The following UBE2Q2 variants were observed in gnomAD, a reference collection of about 807,000 sequenced individuals.
The protein encoded by UBE2Q2 is ubiquitin-conjugating enzyme E2 Q2.
Under a neutral mutation model 59.9 loss-of-function variants are expected in UBE2Q2, and 54 were observed. The ratio of observed to expected loss-of-function variants is 0.90; its 90% CI spans 0.72 to 1.13. The LOEUF is 1.13. UBE2Q2 is among the 50% of genes most tolerant of loss of function. UBE2Q2 has a pLI of 0.00. For missense variants in UBE2Q2, 433 were observed against 441.9 expected, an observed-to-expected ratio of 0.98 and a Z score of 0.18; for synonymous variants, 165 against 155.2, an observed-to-expected ratio of 1.06 and a Z score of -0.47.
At chr15:75,880,454 T>C (rs1357832868) in intron 8 of UBE2Q2, among the ~76,000 whole-genome samples, 1 of 150,838 alleles carries the variant, frequency 6.6e-6, no homozygotes, top group Non-Finnish European at 1.5e-5. Flanking sequence ...GGTTAAAGAA[T>C]AGCAATGGAA....
At chr15:75,899,242 TCCAGCCTA>T (rs1464024457) in intron 12 of UBE2Q2, among the ~76,000 whole-genome samples, 177 bp from the exon 13 acceptor site, 9 of 150,598 alleles carry the variant, frequency 6.0e-5, no homozygotes. Context: ...GCCATTGCAC[TCCAGCCTA>T]GGTAACAGAG....
intron 2 of UBE2Q2, among the ~76,000 whole-genome samples, chr15:75,857,757 C>CA (rs35989972): frequency 0.32 from 38,495 of 121,582 alleles, 5,138 homozygotes; most frequent in Non-Finnish European, 0.36. Context: ...CTGTTGTAGG[C>CA]AAAAAAAAAA....
At chr15:75,886,739 T>C (rs960099795) in intron 9 of UBE2Q2, among the ~76,000 whole-genome samples, 1 of 151,924 alleles carries the variant, frequency 6.6e-6, no homozygotes, top group Non-Finnish European at 1.5e-5. Context: ...ATACAAAAAT[T>C]AGCTGGGCGT....
In UBE2Q2 at chr15:75,879,098, G is replaced by A. The variant is rs1287423306; in HGVS notation, c.735G>A (p.Lys245=). The A allele has an allele frequency of 6.4e-7, 1 of 1,559,132 alleles. No individual in the cohort carries two copies. The highest frequency in any genetic ancestry group is 8.6e-7 in the Non-Finnish European group (1 of 1,156,890). Residue 245 remains lysine, a splice_region_variant and synonymous_variant, in exon 8 of 13, where the codon AAG becomes AAA. Coordinates refer to ENST00000267938, the MANE Select transcript of UBE2Q2 (RefSeq NM_173469.4). ...CTGTTTTTTGTTTTGTAATTCTTAGGGTTGACCCTGATAGTCCTTTGCACA... is the reference window on the plus strand; with the variant it reads ...CTGTTTTTTGTTTTGTAATTCTTAGAGTTGACCCTGATAGTCCTTTGCACA... ...SLYDWHVKLQ[K]VDPDSPLHSD...
intron 4 of UBE2Q2, 28 bp from the exon 5 acceptor site, chr15:75,873,400 T>C: frequency 1.3e-6 from 2 of 1,560,090 alleles, no homozygotes; most frequent in South Asian, 2.4e-5. Context: ...ATAGGTTGAA[T>C]AAGCTAACAT....
At chr15:75,879,053 T>A (rs201169191) in intron 7 of UBE2Q2, 45 bp from the exon 8 acceptor site, 89 of 1,399,100 alleles carry the variant, frequency 6.4e-5, no homozygotes, top group Admixed American at 9.6e-5. Flanking sequence ...AAAAAAAAAA[T>A]CTCTAACTTT....
chr15:75,847,623 G>A (rs1896422282), intron 1 of UBE2Q2, among the ~76,000 whole-genome samples: 2 of 152,064 alleles, frequency 1.3e-5, no homozygotes, highest in Non-Finnish European at 2.9e-5. Flanking sequence ...CGTCTAATTA[G>A]TTGTTACAAT....
chr15:75,873,933 C>T (rs1340076314), intron 5 of UBE2Q2, among the ~76,000 whole-genome samples: 1 of 151,994 alleles, frequency 6.6e-6, no homozygotes, highest in Non-Finnish European at 1.5e-5. Flanking sequence ...GAGTTCAAGT[C>T]ATCCTCCCAT....
intron 2 of UBE2Q2, among the ~76,000 whole-genome samples, chr15:75,857,813 A>G (rs1438098562): frequency 1.3e-5 from 2 of 151,756 alleles, no homozygotes; most frequent in East Asian, 3.8e-4. Context: ...GATTTCTAAG[A>G]TATATTAAAT....
intron 2 of UBE2Q2, among the ~76,000 whole-genome samples, chr15:75,856,501 A>T (rs889764269): frequency 1.3e-5 from 2 of 152,194 alleles, no homozygotes; most frequent in African/African-American, 4.8e-5. Context: ...AATTTAGTAT[A>T]AGGTAAAGGT....
intron 8 of UBE2Q2, among the ~76,000 whole-genome samples, chr15:75,879,806 A>G (rs1406111100): frequency 6.6e-6 from 1 of 152,216 alleles, no homozygotes; most frequent in East Asian, 1.9e-4. Context: ...AAATGAAAAG[A>G]AAACTGAGAA....
intron 11 of UBE2Q2, among the ~76,000 whole-genome samples, chr15:75,896,607 T>C (rs540779629): frequency 6.6e-6 from 1 of 152,328 alleles, no homozygotes; most frequent in Admixed American, 6.5e-5. Flanking sequence ...GAAAGTAATA[T>C]TTTGTAGTTT....
chr15:75,844,348 C>G (rs1896204068), intron 1 of UBE2Q2: 1 of 1,550,382 alleles, frequency 6.5e-7, no homozygotes, highest in Admixed American at 2.0e-5. Context: ...TAAGGAGAAA[C>G]TGACAATGAG....
At chr15:75,847,905 G>A (rs1896436744) in intron 1 of UBE2Q2, among the ~76,000 whole-genome samples, 1 of 152,116 alleles carries the variant, frequency 6.6e-6, no homozygotes, top group South Asian at 2.1e-4. Context: ...GTGGCTGTTT[G>A]CTAGGCTGCT....
chr15:75,845,407 A>C (rs1896292729), intron 1 of UBE2Q2, among the ~76,000 whole-genome samples: 1 of 152,178 alleles, frequency 6.6e-6, no homozygotes, highest in Non-Finnish European at 1.5e-5. Flanking sequence ...AAGAGTGGAA[A>C]ACAGAAAGTG....
chr15:75,872,583 C>T (rs1897857148), intron 4 of UBE2Q2, among the ~76,000 whole-genome samples: 1 of 137,862 alleles, frequency 7.3e-6, no homozygotes, highest in Non-Finnish European at 1.5e-5. Flanking sequence ...GTCACCCAGG[C>T]TGGAGTACAG....
intron 5 of UBE2Q2, among the ~76,000 whole-genome samples, chr15:75,874,703 T>C (rs1897979903): frequency 6.6e-6 from 1 of 152,218 alleles, no homozygotes; most frequent in African/African-American, 2.4e-5. Context: ...AGACAGTACA[T>C]ACCTTTTGGA....
At chr15:75,861,149 G>C (rs1201558012) in intron 3 of UBE2Q2, among the ~76,000 whole-genome samples, 2 of 152,212 alleles carry the variant, frequency 1.3e-5, no homozygotes, top group Non-Finnish European at 2.9e-5. Flanking sequence ...GTTCGTACAA[G>C]TAAACCATTT....
At chr15:75,892,137 G>A (rs1899141558) in intron 11 of UBE2Q2, among the ~76,000 whole-genome samples, 1 of 152,126 alleles carries the variant, frequency 6.6e-6, no homozygotes, top group Admixed American at 6.5e-5. Flanking sequence ...GCAAGGGTGG[G>A]GAGCCAGATC....
Sources: gnomAD v4.1 joint callset for allele counts (sites outside exome capture counted in the v4.1 genomes callset) on GRCh38, gnomAD v4.1.1 for gene constraint, MANE v1.5 for transcripts, NCBI Gene and HGNC (gene_info 2026-07-23, HGNC 2026-07-21) for gene names.